Variants in TAMM41 observed in about 807,000 individuals in gnomAD.
TAMM41 encodes phosphatidate cytidylyltransferase, mitochondrial.
A neutral mutation model predicts 44.1 loss-of-function variants in TAMM41; 36 were observed. That is an observed-to-expected ratio of 0.82 (90% CI 0.63 to 1.08). The LOEUF is 1.08. Ranked by LOEUF, TAMM41 falls within the 50% of genes least tolerant of loss-of-function variation. The pLI is 0.00. For synonymous variants in TAMM41, 164 were observed against 153.1 expected (o/e 1.07, Z -0.53); for missense variants, 417 against 404.3 (o/e 1.03, Z -0.27).
chr3:11,725,898 A>G, the TAMM41 span, among the ~76,000 whole-genome samples: 2 of 152,178 alleles, frequency 1.3e-5, no homozygotes, highest in Admixed American at 1.3e-4. Flanking sequence ...GCCACAACCA[A>G]TGACACGTGT....
At chr3:11,779,361 A>G in the TAMM41 span, among the ~76,000 whole-genome samples, 1 of 152,180 alleles carries the variant, frequency 6.6e-6, no homozygotes, top group Non-Finnish European at 1.5e-5. Context: ...TTTAATTGCC[A>G]GGTCGTGCAG....
At chr3:11,734,878 C>CAAAAAAAAAAAAAAAAAAAAAAA in the TAMM41 span, among the ~76,000 whole-genome samples, 2 of 73,276 alleles carry the variant, frequency 2.7e-5, no homozygotes, top group African/African-American at 1.0e-4. Flanking sequence ...TACTAAAATA[C>CAAAAAAAAAAAAAAAAAAAAAAA]AAAAAAAAAA....
chr3:11,828,882 T>A (rs910503437), intron 4 of TAMM41, among the ~76,000 whole-genome samples: 4 of 152,246 alleles, frequency 2.6e-5, no homozygotes, highest in African/African-American at 7.2e-5. Context: ...GTTCTGAGCA[T>A]AAAGTTCTTT....
At chr3:11,774,351 A>C in the TAMM41 span, among the ~76,000 whole-genome samples, 5 of 152,268 alleles carry the variant, frequency 3.3e-5, no homozygotes, top group East Asian at 1.9e-4. Context: ...TTCTATGTGC[A>C]CCTGGAAAGT....
chr3:11,786,525 G>A (rs1224753463), downstream of TAMM41, among the ~76,000 whole-genome samples: 1 of 151,614 alleles, frequency 6.6e-6, no homozygotes, highest in Middle Eastern at 3.2e-3. Context: ...GGCTGGTTTC[G>A]AACTCCTGAC....
intron 3 of TAMM41, among the ~76,000 whole-genome samples, chr3:11,830,429 C>A (rs1430815275): frequency 1.1e-4 from 17 of 152,204 alleles, no homozygotes; most frequent in Admixed American, 8.5e-4. Context: ...TGAGTTTGGG[C>A]AAATGATTTG....
the TAMM41 span, among the ~76,000 whole-genome samples, chr3:11,742,354 G>A: frequency 6.7e-6 from 1 of 150,242 alleles, no homozygotes; most frequent in South Asian, 2.1e-4. Flanking sequence ...CAACCTTATA[G>A]GACTGGCTTC....
downstream of TAMM41, among the ~76,000 whole-genome samples, chr3:11,789,261 T>C (rs1447754216): frequency 2.0e-5 from 3 of 152,208 alleles, no homozygotes; most frequent in Non-Finnish European, 4.4e-5. Flanking sequence ...CACTATGCTA[T>C]GGGTTAGAAT....
chr3:11,780,707 T>C, the TAMM41 span, among the ~76,000 whole-genome samples: 2 of 152,230 alleles, frequency 1.3e-5, no homozygotes, highest in East Asian at 3.8e-4. Context: ...CTTTGAGGTA[T>C]CTCTATAGTT....
chr3:11,810,564 C>G (rs1310261700), intron 5 of TAMM41, among the ~76,000 whole-genome samples: 3 of 152,150 alleles, frequency 2.0e-5, no homozygotes, highest in Non-Finnish European at 2.9e-5. Context: ...CCCTCAACAG[C>G]CCATCACATT....
At chr3:11,776,395 C>G in the TAMM41 span, among the ~76,000 whole-genome samples, 1 of 152,112 alleles carries the variant, frequency 6.6e-6, no homozygotes, top group East Asian at 1.9e-4. Flanking sequence ...TGAAGCAATC[C>G]TTCTGCTTCG....
chr3:11,799,672 A>C (rs933217408), intron 7 of TAMM41, among the ~76,000 whole-genome samples: 2 of 152,228 alleles, frequency 1.3e-5, no homozygotes, highest in African/African-American at 4.8e-5. Context: ...AAATTTATTT[A>C]AGGAAATAAT....
chr3:11,789,311 G>C (rs1294425985), downstream of TAMM41, among the ~76,000 whole-genome samples: 1 of 152,162 alleles, frequency 6.6e-6, no homozygotes, highest in Non-Finnish European at 1.5e-5. Context: ...AGTAGACAAG[G>C]AATTATTCAA....
the TAMM41 span, among the ~76,000 whole-genome samples, chr3:11,780,896 T>C: frequency 0.34 from 51,333 of 152,112 alleles, 9,398 homozygotes; most frequent in Admixed American, 0.45. Context: ...AGTGAATGAA[T>C]GAACTTCTGT....
chr3:11,778,623 T>TC, the TAMM41 span, among the ~76,000 whole-genome samples: 2 of 152,186 alleles, frequency 1.3e-5, no homozygotes, highest in African/African-American at 4.8e-5. Context: ...CCTTTTTTTT[T>TC]CTCCTTTAAT....
chr3:11,843,973 C>A, intron 2 of TAMM41, 56 bp downstream of exon 2: 2 of 1,573,982 alleles, frequency 1.3e-6, no homozygotes, highest in Non-Finnish European at 1.7e-6. Context: ...AGCTGGCACT[C>A]TAATAACCCA....
chr3:11,807,297 G>C, intron 7 of TAMM41: 1 of 1,442,150 alleles, frequency 6.9e-7, no homozygotes, highest in Non-Finnish European at 9.0e-7. Flanking sequence ...CAGAGGGATG[G>C]GAGGGTGCGT....
the TAMM41 span, among the ~76,000 whole-genome samples, chr3:11,776,598 A>G: frequency 1.3e-5 from 2 of 152,188 alleles, no homozygotes; most frequent in South Asian, 4.1e-4. Context: ...CTAGGTGTGC[A>G]GTGGTAGGTT....
the TAMM41 span, among the ~76,000 whole-genome samples, chr3:11,740,243 G>T: frequency 0.08 from 12,223 of 152,132 alleles, 717 homozygotes; most frequent in Admixed American, 0.17. Flanking sequence ...CTCAATAGTT[G>T]CTCACAGCCC....
Sources: gnomAD v4.1 joint callset for allele counts (sites outside exome capture counted in the v4.1 genomes callset) on GRCh38, gnomAD v4.1.1 for gene constraint, MANE v1.5 for transcripts, NCBI Gene and HGNC (gene_info 2026-07-23, HGNC 2026-07-21) for gene names.